The following MEOX2 variants were observed in gnomAD, a reference collection of about 807,000 sequenced individuals.
The protein encoded by MEOX2 is homeobox protein MOX-2.
MEOX2 carries 11 observed loss-of-function variants against 27.0 expected under a neutral mutation model. The ratio of observed to expected loss-of-function variants is 0.41; its 90% CI spans 0.26 to 0.68. The LOEUF (loss-of-function observed/expected upper bound fraction) is 0.68, where lower values mean the gene tolerates loss of function less well. Ranked by LOEUF, MEOX2 falls within the 30% of genes least tolerant of loss-of-function variation. The pLI is 0.33. For missense variants in MEOX2, 436 were observed against 385.4 expected (o/e 1.13, Z -1.10); for synonymous variants, 189 against 155.4 (o/e 1.22, Z -1.61).
At chr7:15,643,019 T>C (rs1781586985) in intron 1 of MEOX2, among the ~76,000 whole-genome samples, 2 of 152,304 alleles carry the variant, frequency 1.3e-5, no homozygotes, top group East Asian at 3.9e-4. Context: ...CTTATCTTGT[T>C]CCTCCCTGTG....
chr7:15,636,588 G>C (rs1781481458), intron 1 of MEOX2, among the ~76,000 whole-genome samples: 1 of 151,900 alleles, frequency 6.6e-6, no homozygotes, highest in Non-Finnish European at 1.5e-5. Flanking sequence ...TTTTTGCAAA[G>C]ATTTTCCCAA....
chr7:15,637,252 T>A (rs1781493034), intron 1 of MEOX2, among the ~76,000 whole-genome samples: 1 of 152,078 alleles, frequency 6.6e-6, no homozygotes, highest in East Asian at 1.9e-4. Context: ...TGTGAAGCTT[T>A]CATCTAGGTC....
intron 1 of MEOX2, among the ~76,000 whole-genome samples, chr7:15,654,140 CTAAGA>C (rs1240335595): frequency 2.0e-5 from 3 of 151,718 alleles, no homozygotes; most frequent in African/African-American, 7.3e-5. Context: ...AGATTTATAC[CTAAGA>C]TATTTCTGGT....
intron 1 of MEOX2, among the ~76,000 whole-genome samples, chr7:15,644,566 C>A (rs1455735792): frequency 6.6e-6 from 1 of 152,126 alleles, no homozygotes; most frequent in Non-Finnish European, 1.5e-5. Context: ...GCAGCACAGC[C>A]TTTCCTGAGA....
chr7:15,655,871 G>A (rs1413390551), intron 1 of MEOX2, among the ~76,000 whole-genome samples: 2 of 151,674 alleles, frequency 1.3e-5, no homozygotes, highest in African/African-American at 4.8e-5. Context: ...GGTCTTGTTG[G>A]TTTATGGTGT....
rs573845357 is a variant in MEOX2 at position 15,640,984 on chromosome 7, T to G, written c.518-14066A>C. On this transcript the variant is annotated intron_variant, in intron 1 of 2. Transcript: ENST00000262041. ...TTCATCAGAGATATTGGCTTATGAT[T>G]TTATTTTTGTTGTTGTTGTTGTGGG... Among the ~76,000 whole-genome samples, 81 of 152,232 alleles carry G rather than the reference T, an allele frequency of 5.3e-4. 1 individual carries two copies. Among genetic ancestry groups the G allele is most frequent in the African/African-American group, 1.9e-3 (80 of 41,550 alleles).
chr7:15,637,342 A>G (rs1443923993), intron 1 of MEOX2, among the ~76,000 whole-genome samples: 1 of 152,030 alleles, frequency 6.6e-6, no homozygotes, highest in Non-Finnish European at 1.5e-5. Context: ...TACATCTTAT[A>G]ATTTCTGAAA....
intron 1 of MEOX2, among the ~76,000 whole-genome samples, chr7:15,663,189 AT>A (rs1313724930): frequency 1.3e-5 from 2 of 152,240 alleles, no homozygotes; most frequent in African/African-American, 4.8e-5. Context: ...TATTTTAAAA[AT>A]ATCAGAGATT....
At chr7:15,621,911 G>T (rs1781228209) in intron 2 of MEOX2, among the ~76,000 whole-genome samples, 1 of 152,154 alleles carries the variant, frequency 6.6e-6, no homozygotes. Context: ...GAGGTCAGGA[G>T]TTCAAGACCA....
At chr7:15,671,952 G>A (rs914864840) in intron 1 of MEOX2, among the ~76,000 whole-genome samples, 5 of 151,706 alleles carry the variant, frequency 3.3e-5, no homozygotes, top group African/African-American at 1.2e-4. Flanking sequence ...AATTAGCCAG[G>A]CATGCTCGTG....
intron 1 of MEOX2, chr7:15,682,060 T>C (rs1403962836): frequency 2.0e-5 from 3 of 151,824 alleles, no homozygotes; most frequent in African/African-American, 7.2e-5. Context: ...ATACTTAGAA[T>C]TTTTTATGTC....
At chr7:15,634,774 G>A (rs1404126628) in intron 1 of MEOX2, among the ~76,000 whole-genome samples, 10 of 151,888 alleles carry the variant, frequency 6.6e-5, no homozygotes, top group Admixed American at 4.6e-4. Context: ...AGCCAATGAC[G>A]AGATTATTTG....
At chr7:15,674,414 C>T (rs529765077) in intron 1 of MEOX2, among the ~76,000 whole-genome samples, 5 of 152,042 alleles carry the variant, frequency 3.3e-5, no homozygotes, top group South Asian at 2.1e-4. Flanking sequence ...TGGAATAGAA[C>T]GGATTTGAAC....
chr7:15,625,392 G>A (rs1411917853), intron 2 of MEOX2, among the ~76,000 whole-genome samples: 1 of 152,174 alleles, frequency 6.6e-6, no homozygotes, highest in African/African-American at 2.4e-5. Context: ...ATAGGTACTA[G>A]TCATAATATG....
Position 15,611,354 on chromosome 7 carries a change from A to G in MEOX2, c.*1033T>C, listed in dbSNP as rs1327476579. 6.6e-6 allele frequency: 1 copy of G among 152,484 alleles called. No homozygotes were observed. Among genetic ancestry groups the G allele is most frequent in the Non-Finnish European group, 1.5e-5 (1 of 68,024 alleles). 9.4% of individuals were successfully genotyped at this position (152,484 alleles called of 1,614,324 possible). On this transcript the variant is annotated 3_prime_UTR_variant, in exon 3 of 3. Transcript: ENST00000262041. Reference sequence around the variant, plus strand: ...GATATTCAGAATTTTGTTTTCTATCAACTTGAGCAACCAGTTTCGCTTTGC... The same window carrying G: ...GATATTCAGAATTTTGTTTTCTATCGACTTGAGCAACCAGTTTCGCTTTGC...
chr7:15,618,565 T>A (rs1005129891), intron 2 of MEOX2, among the ~76,000 whole-genome samples: 10 of 152,002 alleles, frequency 6.6e-5, no homozygotes, highest in Admixed American at 2.0e-4. Context: ...TAACAGCTTC[T>A]AAGTATAACT....
chr7:15,669,364 C>A (rs1351365892), intron 1 of MEOX2, among the ~76,000 whole-genome samples: 1 of 152,216 alleles, frequency 6.6e-6, no homozygotes, highest in African/African-American at 2.4e-5. Context: ...TCTAAGATAT[C>A]CTGATTGCAA....
intron 1 of MEOX2, among the ~76,000 whole-genome samples, chr7:15,654,279 A>G (rs979439283): frequency 1.3e-5 from 2 of 151,912 alleles, no homozygotes; most frequent in African/African-American, 4.8e-5. Context: ...CTGTACTCAC[A>G]TATAAGTTCT....
At chr7:15,623,458 C>T (rs1267188782) in intron 2 of MEOX2, among the ~76,000 whole-genome samples, 1 of 152,174 alleles carries the variant, frequency 6.6e-6, no homozygotes, top group African/African-American at 2.4e-5. Context: ...CAACTTCTGC[C>T]TCCCAGGCTT....
Sources: gnomAD v4.1 joint callset for allele counts (sites outside exome capture counted in the v4.1 genomes callset) on GRCh38, gnomAD v4.1.1 for gene constraint, MANE v1.5 for transcripts, NCBI Gene and HGNC (gene_info 2026-07-23, HGNC 2026-07-21) for gene names.